Variants in CES5A observed in about 807,000 individuals in gnomAD.
CES5A encodes carboxylesterase 5.
Under a neutral mutation model 62.9 loss-of-function variants are expected in CES5A, and 67 were observed. The ratio of observed to expected loss-of-function variants is 1.07; its 90% confidence interval spans 0.88 to 1.31. The LOEUF is 1.31. Ranked by LOEUF, CES5A falls within the 50% of genes most tolerant of loss-of-function variation. CES5A has a pLI of 0.00. For missense variants in CES5A, 748 were observed against 708.5 expected (o/e 1.06, Z -0.63); for synonymous variants, 296 against 280.8 (o/e 1.05, Z -0.54).
chr16:55,937,541 CA>C lies in CES5A; in HGVS notation c.160+12243del, dbSNP rs533967031. ...AAATTCAGCTATGCCAAAACAAAAC[CA>C]AAAAAAACATGGGGATGGGGACTGC... On this transcript the variant is annotated intron_variant, in intron 2 of 13. Transcript: ENST00000521992. Among the ~76,000 whole-genome samples the C allele has an allele frequency of 6.2e-3, 939 of 151,770 alleles. 12 individuals carry two copies. Among genetic ancestry groups the C allele is most frequent in the African/African-American group, 0.02 (838 of 41,404 alleles).
At chr16:55,935,189 C>T (rs965681698) in intron 2 of CES5A, among the ~76,000 whole-genome samples, 6 of 152,184 alleles carry the variant, frequency 3.9e-5, no homozygotes, top group East Asian at 1.9e-4. Context: ...GTGATCCACC[C>T]GCCTTGGCCT....
intron 1 of CES5A, among the ~76,000 whole-genome samples, chr16:55,891,663 T>G (rs2033880030): frequency 6.6e-6 from 1 of 152,162 alleles, no homozygotes; most frequent in Admixed American, 6.5e-5. Flanking sequence ...TTTATCTCAG[T>G]GAGCAGAGGG....
chr16:55,865,515 C>A (rs1379668778), intron 5 of CES5A, among the ~76,000 whole-genome samples: 2 of 152,298 alleles, frequency 1.3e-5, no homozygotes, highest in East Asian at 1.9e-4. Flanking sequence ...TGTTGGAAAT[C>A]GAGTCAGCAG....
chr16:55,868,732 C>T (rs2033519714), intron 4 of CES5A, among the ~76,000 whole-genome samples: 1 of 152,182 alleles, frequency 6.6e-6, no homozygotes, highest in South Asian at 2.1e-4. Flanking sequence ...TCTCACTTCT[C>T]CTCTTTGTTT....
intron 1 of CES5A, among the ~76,000 whole-genome samples, chr16:55,906,684 G>C (rs1227838269): frequency 6.6e-6 from 1 of 152,216 alleles, no homozygotes; most frequent in Non-Finnish European, 1.5e-5. Flanking sequence ...CCCAAGAGAG[G>C]GGCTTCCCAG....
At chr16:55,911,380 C>G (rs1234131204) in intron 1 of CES5A, among the ~76,000 whole-genome samples, 2 of 152,172 alleles carry the variant, frequency 1.3e-5, no homozygotes, top group South Asian at 2.1e-4. Context: ...AGTTTAAAAT[C>G]TATTAATAAG....
intron 1 of CES5A, among the ~76,000 whole-genome samples, chr16:55,896,064 G>A (rs1467265805): frequency 6.6e-6 from 1 of 152,204 alleles, no homozygotes; most frequent in Non-Finnish European, 1.5e-5. Context: ...AATTTATAAA[G>A]GAAAGAGGTT....
At chr16:55,956,023 T>A in exon 1 of CES5A, 1 of 909,280 alleles carries the variant, frequency 1.1e-6, no homozygotes, top group Non-Finnish European at 1.7e-6. Context: ...TCCTCTACCG[T>A]TGCCAGCTGG....
rs1455496694 is a variant in CES5A, at chr16:55,955,990, A to C, written c.-105T>G. The C allele has an allele frequency of 7.9e-6, 10 of 1,270,276 alleles. No homozygotes were observed. The African/African-American group carries it at 1.5e-4, about 19-fold the overall frequency. 78.7% of individuals were successfully genotyped at this position (1,270,276 alleles called of 1,614,324 possible). A position where few individuals can be genotyped will look rare whatever the true frequency, so the allele number is the denominator to read the frequency against. The stretch of plus-strand genomic sequence containing the variant: ...ATGTACATGGTACAGCTGATAAAGA[A>C]AAGTCAAATGAGTTCACCACTTTCC... On this transcript the variant is annotated 5_prime_UTR_variant, in exon 1 of 14. Transcript: ENST00000521992.
chr16:55,863,235 G>A (rs1281904868), intron 6 of CES5A, 113 bp downstream of exon 6: 1 of 708,744 alleles, frequency 1.4e-6, no homozygotes, highest in Non-Finnish European at 2.6e-6. Context: ...GCCAGCATGA[G>A]GTGCCTTGGG....
intron 1 of CES5A, chr16:55,955,743 G>T: frequency 3.8e-6 from 5 of 1,319,394 alleles, no homozygotes; most frequent in Admixed American, 4.0e-5. Flanking sequence ...GAGAGACAAA[G>T]TTGGGTGGGT....
At chr16:55,924,056 C>A (rs556517252) in intron 1 of CES5A, among the ~76,000 whole-genome samples, 1 of 151,810 alleles carries the variant, frequency 6.6e-6, no homozygotes, top group East Asian at 1.9e-4. Flanking sequence ...GTACTGAAAG[C>A]CCTGGCCGGA....
intron 1 of CES5A, among the ~76,000 whole-genome samples, chr16:55,955,668 T>C (rs1272650042): frequency 6.6e-6 from 1 of 152,204 alleles, no homozygotes; most frequent in East Asian, 1.9e-4. Context: ...CTCAGTTCCT[T>C]AGCCCAGCCC....
At chr16:55,846,897 G>A (rs1597105861) in intron 11 of CES5A, 57 bp from the exon 12 acceptor site, 2 of 1,453,826 alleles carry the variant, frequency 1.4e-6, no homozygotes, top group Middle Eastern at 2.1e-4. Context: ...GAAGCCCCGG[G>A]TGCCTTGTAT....
At chr16:55,869,902 T>C (rs1409796819) in intron 3 of CES5A, among the ~76,000 whole-genome samples, 158 bp from the exon 4 acceptor site, 2 of 152,240 alleles carry the variant, frequency 1.3e-5, no homozygotes, top group African/African-American at 4.8e-5. Context: ...GTTAAGCATG[T>C]GGGCTCTGGC....
chr16:55,954,954 T>G (rs1473215392), intron 1 of CES5A, among the ~76,000 whole-genome samples: 2 of 152,170 alleles, frequency 1.3e-5, no homozygotes, highest in Non-Finnish European at 2.9e-5. Flanking sequence ...AAAAGTTCCT[T>G]TTCTTCTCTG....
chr16:55,872,812 G>C (rs2033618983), intron 2 of CES5A, among the ~76,000 whole-genome samples: 1 of 152,012 alleles, frequency 6.6e-6, no homozygotes, highest in Non-Finnish European at 1.5e-5. Flanking sequence ...GGTTGCCCTT[G>C]CCATCTTATA....
chr16:55,890,319 T>C (rs1340865844), intron 1 of CES5A, among the ~76,000 whole-genome samples: 1 of 152,006 alleles, frequency 6.6e-6, no homozygotes, highest in Non-Finnish European at 1.5e-5. Context: ...CAAACTTCAA[T>C]GAATATTCAG....
At chr16:55,859,742 A>C in intron 7 of CES5A, 55 bp from the exon 8 acceptor site, 1 of 1,541,578 alleles carries the variant, frequency 6.5e-7, no homozygotes, top group African/African-American at 1.4e-5. Context: ...TTCTGTTCAC[A>C]AAATCTGCTG....
Sources: allele counts gnomAD v4.1 joint callset (sites outside exome capture counted in the v4.1 genomes callset), GRCh38; gene constraint gnomAD v4.1.1; transcripts MANE v1.5; gene names NCBI Gene and HGNC (gene_info 2026-07-23, HGNC 2026-07-21).